LRMDA: variants seen among roughly 807,000 people sequenced by gnomAD.
LRMDA encodes leucine rich melanocyte differentiation associated, also known as leucine-rich melanocyte differentiation-associated protein.
In LRMDA, 18 loss-of-function variants were observed where a neutral mutation model predicts 29.8. The observed-to-expected ratio is 0.60, with a 90% confidence interval of 0.42 to 0.90. The LOEUF is 0.90. LRMDA is among the 40% of genes least tolerant of loss of function. The pLI is 0.00. For missense variants in LRMDA, 273 were observed against 273.9 expected (o/e 1.00, Z 0.02); for synonymous variants, 125 against 109.4 (o/e 1.14, Z -0.89).
intron 6 of LRMDA, among the ~76,000 whole-genome samples, chr10:76,442,596 G>A (rs1179308990): frequency 4.6e-5 from 7 of 152,102 alleles, no homozygotes; most frequent in Non-Finnish European, 8.8e-5. Flanking sequence ...AGGAGGCTGG[G>A]GTTAGAAGAT....
intron 2 of LRMDA, among the ~76,000 whole-genome samples, chr10:75,676,415 G>A (rs961354028): frequency 1.3e-5 from 2 of 152,180 alleles, no homozygotes; most frequent in African/African-American, 4.8e-5. Context: ...TTTTGACATT[G>A]TCATCATCTC....
intron 5 of LRMDA, among the ~76,000 whole-genome samples, chr10:76,227,048 C>A (rs1273236729): frequency 6.6e-6 from 1 of 152,166 alleles, no homozygotes; most frequent in Non-Finnish European, 1.5e-5. Context: ...TGTCAAAGTG[C>A]CTCTACCTGT....
At chr10:76,367,663 A>T (rs1365238491) in intron 6 of LRMDA, among the ~76,000 whole-genome samples, 2 of 151,940 alleles carry the variant, frequency 1.3e-5, no homozygotes, top group Non-Finnish European at 1.5e-5. Context: ...ACCTCAGGTG[A>T]TCCACCTGCC....
At chr10:76,085,202 G>A (rs1425162770) in intron 5 of LRMDA, among the ~76,000 whole-genome samples, 1 of 152,198 alleles carries the variant, frequency 6.6e-6, no homozygotes, top group African/African-American at 2.4e-5. Flanking sequence ...GGGACCTGGA[G>A]CTGTCAGGCA....
At chr10:76,224,305 G>A (rs1851908400) in intron 5 of LRMDA, among the ~76,000 whole-genome samples, 2 of 151,812 alleles carry the variant, frequency 1.3e-5, no homozygotes, top group Non-Finnish European at 2.9e-5. Context: ...AGGCATGATG[G>A]CTCAGCCTAT....
chr10:76,312,123 T>G (rs776157279), intron 5 of LRMDA, among the ~76,000 whole-genome samples: 6 of 152,190 alleles, frequency 3.9e-5, no homozygotes, highest in Non-Finnish European at 8.8e-5. Context: ...CTGAGCACAT[T>G]AAGGGCAGTG....
intron 2 of LRMDA, among the ~76,000 whole-genome samples, chr10:75,586,308 C>T (rs953651998): frequency 1.4e-5 from 2 of 143,320 alleles, no homozygotes; most frequent in Admixed American, 7.2e-5. Context: ...TAACACTGTG[C>T]AAGGGTTCCA....
chr10:76,207,659 C>T (rs1403289167), intron 5 of LRMDA, among the ~76,000 whole-genome samples: 1 of 152,112 alleles, frequency 6.6e-6, no homozygotes, highest in East Asian at 1.9e-4. Context: ...CCTCTGTCCC[C>T]TCCATAAAAT....
intron 2 of LRMDA, among the ~76,000 whole-genome samples, chr10:75,581,929 A>G (rs1009108515): frequency 1.3e-5 from 2 of 152,190 alleles, no homozygotes; most frequent in South Asian, 2.1e-4. Flanking sequence ...AAATTTATAT[A>G]TATTAAAAAA....
chr10:75,619,935 A>G (rs1198434204), intron 2 of LRMDA, among the ~76,000 whole-genome samples: 1 of 152,166 alleles, frequency 6.6e-6, no homozygotes, highest in East Asian at 1.9e-4. Context: ...TCATTTTATG[A>G]TGCTCAATTT....
chr10:76,493,054 G>A (rs1380515636), intron 6 of LRMDA, among the ~76,000 whole-genome samples: 1 of 151,998 alleles, frequency 6.6e-6, no homozygotes, highest in Non-Finnish European at 1.5e-5. Context: ...CAAGGCCCCA[G>A]GGCTCTACAA....
chr10:75,654,573 C>A (rs377704742), intron 2 of LRMDA, among the ~76,000 whole-genome samples: 2 of 152,200 alleles, frequency 1.3e-5, no homozygotes, highest in African/African-American at 4.8e-5. Flanking sequence ...CTCTCCTTCT[C>A]TTTATTCTAG....
intron 2 of LRMDA, among the ~76,000 whole-genome samples, chr10:75,643,411 G>A (rs534794056): frequency 4.6e-4 from 70 of 152,270 alleles, no homozygotes; most frequent in Admixed American, 2.1e-3. Context: ...GGCTCCAAGC[G>A]CAAGTGTTCC....
At chr10:76,022,453 C>A (rs1017198273) in intron 2 of LRMDA, among the ~76,000 whole-genome samples, 5 of 152,208 alleles carry the variant, frequency 3.3e-5, no homozygotes, top group Admixed American at 3.3e-4. Flanking sequence ...TTTTCACAAG[C>A]AACGTGTTAT....
At chr10:76,547,183 T>C (rs1398826655) in intron 6 of LRMDA, among the ~76,000 whole-genome samples, 1 of 152,200 alleles carries the variant, frequency 6.6e-6, no homozygotes. Context: ...AAAAATGATG[T>C]TTTCCACCTA....
At chr10:75,598,314 C>T (rs145759046) in intron 2 of LRMDA, among the ~76,000 whole-genome samples, 87 of 152,176 alleles carry the variant, frequency 5.7e-4, no homozygotes, top group African/African-American at 2.0e-3. Flanking sequence ...GCTGTGTGCT[C>T]GTCTCTCCCT....
At chr10:75,631,875 C>T (rs772570532) in intron 2 of LRMDA, among the ~76,000 whole-genome samples, 7 of 152,104 alleles carry the variant, frequency 4.6e-5, no homozygotes, top group African/African-American at 1.2e-4. Flanking sequence ...TCCATTGACC[C>T]GCCCTAAATT....
intron 5 of LRMDA, among the ~76,000 whole-genome samples, chr10:76,113,555 T>G (rs527505694): frequency 2.0e-5 from 3 of 152,246 alleles, no homozygotes; most frequent in African/African-American, 7.2e-5. Context: ...CTCTTCATGC[T>G]GTATTGCTTT....
chr10:76,404,424 T>C (rs769612389), intron 6 of LRMDA, among the ~76,000 whole-genome samples: 2 of 152,220 alleles, frequency 1.3e-5, no homozygotes, highest in African/African-American at 4.8e-5. Flanking sequence ...ATGTGCTTAC[T>C]TGATGGCTGG....
Sources: allele counts gnomAD v4.1 joint callset (sites outside exome capture counted in the v4.1 genomes callset), GRCh38; gene constraint gnomAD v4.1.1; transcripts MANE v1.5; gene names NCBI Gene and HGNC (gene_info 2026-07-23, HGNC 2026-07-21).